EGFL7: variants seen among roughly 807,000 people sequenced by gnomAD.
EGFL7 encodes the protein epidermal growth factor-like protein 7.
A neutral mutation model predicts 37.1 loss-of-function variants in EGFL7; 48 were observed. The observed-to-expected ratio is 1.29, with a 90% confidence interval of 1.03 to 1.65. EGFL7 has a LOEUF of 1.65. EGFL7 is among the 40% of genes most tolerant of loss of function. EGFL7 has a pLI of 0.00. For missense variants in EGFL7, 384 were observed against 378.9 expected, an observed-to-expected ratio of 1.01 and a Z score of -0.11; for synonymous variants, 180 against 156.8, an observed-to-expected ratio of 1.15 and a Z score of -1.10.
chr9:136,668,956 C>T (rs970793634), intron 5 of EGFL7, among the ~76,000 whole-genome samples: 3 of 152,162 alleles, frequency 2.0e-5, no homozygotes, highest in South Asian at 2.1e-4. Flanking sequence ...ATCCTGTCTG[C>T]ACCCCTCCAC....
intron 3 of EGFL7, among the ~76,000 whole-genome samples, chr9:136,667,520 G>A (rs1429187601): frequency 1.3e-5 from 2 of 152,184 alleles, no homozygotes; most frequent in African/African-American, 2.4e-5. Flanking sequence ...GCCAGGAGGG[G>A]GTTGGATTCC....
rs775356555 is a variant in EGFL7 at position 136,672,089 on chromosome 9, G to A, written c.799+1G>A. 5.2e-6 allele frequency: 8 copies of A among 1,546,722 alleles called. No individual in the cohort carries two copies. The highest frequency in any genetic ancestry group is 3.4e-4 in the Middle Eastern group (2 of 5,964). Reference sequence around the variant, plus strand: ...TTCCTGGAGGAGCAGCTGGGGTCCTGTGAGTGCCCCCACCCTCCAGAGCCC... The same window carrying A: ...TTCCTGGAGGAGCAGCTGGGGTCCTATGAGTGCCCCCACCCTCCAGAGCCC... On this transcript the variant is annotated splice_donor_variant, in intron 10 of 10. Transcript: ENST00000308874. LOFTEE classifies it high-confidence loss of function.
At chr9:136,670,631 T>C in intron 8 of EGFL7, 1 of 771,156 alleles carries the variant, frequency 1.3e-6, no homozygotes. Flanking sequence ...TTACTTTTGG[T>C]ACGCGCTGTG....
In EGFL7 at chr9:136,668,554, C is replaced by A. The variant is rs1374877285; in HGVS notation, c.81-3C>A. The A allele has an allele frequency of 1.9e-6, 3 of 1,608,056 alleles. No individual in the cohort carries two copies. Among genetic ancestry groups the A allele is most frequent in the South Asian group, 2.2e-5 (2 of 91,070 alleles). On this transcript the variant is annotated splice_polypyrimidine_tract_variant and splice_region_variant and intron_variant, in intron 4 of 10. Transcript: ENST00000308874. ...TGGGCTGACCCCCTCTCCACCCCCG[C>A]AGCCGTAGGGTGTGTGCTGTCCGGG...
rs572039896 is a variant in EGFL7, at chr9:136,669,677, C to T, written c.269C>T (p.Pro90Leu). 34 of 1,608,428 alleles carry T rather than the reference C, an allele frequency of 2.1e-5. No individual in the cohort carries two copies. The South Asian group carries it at 3.3e-4, about 16-fold the overall frequency. Reference sequence around the variant, plus strand: ...GCCAGGCCTCGCTACGCGTGCTGCCCCGGCTGGAAGAGGACCAGCGGGCTT... The same window carrying T: ...GCCAGGCCTCGCTACGCGTGCTGCCTCGGCTGGAAGAGGACCAGCGGGCTT... ...APARPRYACC[P>L]GWKRTSGLPG... Residue 90 changes from proline (P) to leucine (L), a missense_variant, in exon 6 of 11, where the codon CCC (proline) becomes CTC (leucine). Coordinates refer to ENST00000308874, the MANE Select transcript of EGFL7 (RefSeq NM_016215.5).
upstream of EGFL7, among the ~76,000 whole-genome samples, chr9:136,660,946 T>A (rs1293901935): frequency 6.6e-6 from 1 of 152,138 alleles, no homozygotes; most frequent in Non-Finnish European, 1.5e-5. Context: ...CACCCCATGC[T>A]TGTGGGTCCT....
Position 136,672,468 on chromosome 9 carries a change from G to A in EGFL7, c.*182G>A, listed in dbSNP as rs1431794566. On this transcript the variant is annotated 3_prime_UTR_variant, in exon 11 of 11. Coordinates refer to ENST00000308874, the MANE Select transcript of EGFL7 (RefSeq NM_016215.5). ...CTCCCCAGACCCTGGCATGGGATGGGCTGGGATCTTCTCTGTGAATCCACC... is the reference window on the plus strand; with the variant it reads ...CTCCCCAGACCCTGGCATGGGATGGACTGGGATCTTCTCTGTGAATCCACC... 10 of 716,576 alleles carry A rather than the reference G, an allele frequency of 1.4e-5. No individual in the cohort carries two copies. The highest frequency in any genetic ancestry group is 2.1e-5 in the Non-Finnish European group (9 of 433,972). 44.4% of individuals were successfully genotyped at this position (716,576 alleles called of 1,614,324 possible). A position where few individuals can be genotyped will look rare whatever the true frequency, so the allele number is the denominator to read the frequency against.
chr9:136,672,306 G>C lies in EGFL7; in HGVS notation c.*20G>C. ...TCGTGACTGCCCAGCGCCCCAGGCTGGACTGAGCCCCTCACGCCGCCCTGC... is the reference window on the plus strand; with the variant it reads ...TCGTGACTGCCCAGCGCCCCAGGCTCGACTGAGCCCCTCACGCCGCCCTGC... On this transcript the variant is annotated 3_prime_UTR_variant, in exon 11 of 11. Transcript: ENST00000308874. 1 of 1,613,122 alleles carries C rather than the reference G, an allele frequency of 6.2e-7. No homozygotes were observed. The highest frequency in any genetic ancestry group is 1.3e-5 in the African/African-American group (1 of 75,052).
At position 136,672,632 on chromosome 9, in the gene EGFL7, A is replaced by G. The variant is rs1293063680; in HGVS notation, c.*346A>G. ...CAGCCCGGAGGCTGGGTGGGGCCTC[A>G]GTGGGGGCTGCTGCCTGACCCCCAG... On this transcript the variant is annotated 3_prime_UTR_variant, in exon 11 of 11. Coordinates refer to ENST00000308874, the MANE Select transcript of EGFL7 (RefSeq NM_016215.5). 4.4e-6 allele frequency: 2 copies of G among 456,828 alleles called. No homozygotes were observed. Among genetic ancestry groups the G allele is most frequent in the Non-Finnish European group, 7.9e-6 (2 of 252,382 alleles). 28.3% of individuals were successfully genotyped at this position (456,828 alleles called of 1,614,324 possible).
Position 136,672,415 on chromosome 9 carries a change from C to A in EGFL7, c.*129C>A. The stretch of plus-strand genomic sequence containing the variant: ...GCGGAAGGCCAGGCAGGGCCTTCCT[C>A]CTCTTCCTCCTCCCCTTCCTCGGGA... On this transcript the variant is annotated 3_prime_UTR_variant, in exon 11 of 11. Coordinates refer to ENST00000308874, the MANE Select transcript of EGFL7 (RefSeq NM_016215.5). 2 of 1,091,754 alleles carry A rather than the reference C, an allele frequency of 1.8e-6. No homozygotes were observed. The highest frequency in any genetic ancestry group is 2.5e-5 in the East Asian group (1 of 40,504). The allele number at this position is 1,091,754 out of a possible 1,614,324, so 67.6% of individuals were successfully genotyped here. A position where few individuals can be genotyped will look rare whatever the true frequency, so the allele number is the denominator to read the frequency against.
rs556580431 is a variant in EGFL7, at chr9:136,672,221, G to C, written c.800-43G>C. ...TCAGATCTAGCTGGGCGGGGAGGCT[G>C]TGGGGAGCAGTGATCTCTGACCTTC... is the stretch of plus-strand genomic sequence containing the variant. On this transcript the variant is annotated intron_variant, in intron 10 of 10. Coordinates refer to ENST00000308874, the MANE Select transcript of EGFL7 (RefSeq NM_016215.5). The C allele has an allele frequency of 1.1e-5, 18 of 1,613,190 alleles. 2 individuals are homozygous for C. The East Asian group carries it at 3.8e-4, about 34-fold the overall frequency.
chr9:136,666,136 C>T lies in EGFL7; in HGVS notation c.-43+1351C>T, dbSNP rs1403431634. ...GCCCCTCGTCCGACCCGGCGCGACT[C>T]AGCGCCTCGGGGCCCAGCCTGTGCC... is the stretch of plus-strand genomic sequence containing the variant. On this transcript the variant is annotated intron_variant, in intron 3 of 10. Coordinates refer to ENST00000308874, the MANE Select transcript of EGFL7 (RefSeq NM_016215.5). This position sits in a 1 kb window ranked among gnomAD's most constrained non-coding sequence, Gnocchi z 6.8. Among the ~76,000 whole-genome samples, 1 of 148,960 alleles carries T rather than the reference C, an allele frequency of 6.7e-6. No homozygotes were observed. Among genetic ancestry groups the T allele is most frequent in the Non-Finnish European group, 1.5e-5 (1 of 66,748 alleles).
chr9:136,672,018 C>A lies in EGFL7; in HGVS notation c.729C>A (p.Ser243=). Residue 243 remains serine, a synonymous_variant, in exon 10 of 11, where the codon TCC becomes TCA. Transcript: ENST00000308874. The stretch of plus-strand genomic sequence containing the variant: ...ACCCCGGCAGCCTCCTGGTGCACTC[C>A]TTCCAGCAGCTCGGCCGCATCGACT... ...LPDPGSLLVH[S]FQQLGRIDSL... 6.5e-7 allele frequency: 1 copy of A among 1,544,612 alleles called. No homozygotes were observed. The highest frequency in any genetic ancestry group is 8.7e-7 in the Non-Finnish European group (1 of 1,146,826).
chr9:136,668,174 G>C (rs1845597414), intron 3 of EGFL7, 67 bp from the exon 4 acceptor site: 6 of 949,392 alleles, frequency 6.3e-6, no homozygotes, highest in Non-Finnish European at 9.4e-6. Context: ...CGCGGAGCAA[G>C]TGCAAACTGC....
chr9:136,665,586 G>A (rs1344360976), intron 3 of EGFL7, among the ~76,000 whole-genome samples: 1 of 152,142 alleles, frequency 6.6e-6, no homozygotes, highest in Non-Finnish European at 1.5e-5. Flanking sequence ...GGGTGCTGGC[G>A]GGCCGCGGCT....
At chr9:136,667,263 G>C (rs6560641) in intron 3 of EGFL7, among the ~76,000 whole-genome samples, 146,731 of 152,334 alleles carry the variant, frequency 0.96, 70,686 homozygotes, top group South Asian at 0.99. Flanking sequence ...CCTCTGCCCC[G>C]ACCCGAAGCC....
Position 136,670,002 on chromosome 9 carries a change from C to T in EGFL7, c.402C>T (p.Cys134=). The T allele has an allele frequency of 6.3e-7, 1 of 1,596,416 alleles. No individual in the cohort carries two copies. Among genetic ancestry groups the T allele is most frequent in the Non-Finnish European group, 8.5e-7 (1 of 1,169,958 alleles). ...CTGCAGGATGGCGGGGTGACACTTG[C>T]CAGTCAGGTGAGGCTGGCTCTACCC... The part of the protein sequence containing the change: ...RCPAGWRGDT[C]QSDVDECSAR... Residue 134 remains cysteine (C), a synonymous_variant, in exon 7 of 11, where the codon TGC becomes TGT. Coordinates refer to ENST00000308874, the MANE Select transcript of EGFL7 (RefSeq NM_016215.5).
Position 136,672,314 on chromosome 9 carries a change from C to A in EGFL7, c.*28C>A. The stretch of plus-strand genomic sequence containing the variant: ...GCCCAGCGCCCCAGGCTGGACTGAG[C>A]CCCTCACGCCGCCCTGCAGCCCCCA... On this transcript the variant is annotated 3_prime_UTR_variant, in exon 11 of 11. Transcript: ENST00000308874. The A allele has an allele frequency of 6.2e-7, 1 of 1,613,004 alleles. No individual in the cohort carries two copies. Among genetic ancestry groups the A allele is most frequent in the Non-Finnish European group, 8.5e-7 (1 of 1,179,894 alleles).
Position 136,671,636 on chromosome 9 carries a change from A to G in EGFL7, c.637-290A>G, listed in dbSNP as rs546347957. Reference sequence around the variant, plus strand: ...CCACCCCCCCATCTTTGTCCCCACCAGGACAAAGAGCTCTTGCCAGTCTTC... The same window carrying G: ...CCACCCCCCCATCTTTGTCCCCACCGGGACAAAGAGCTCTTGCCAGTCTTC... On this transcript the variant is annotated intron_variant, in intron 9 of 10. Transcript: ENST00000308874. Among the ~76,000 whole-genome samples the G allele has an allele frequency of 1.5e-3, 218 of 144,394 alleles. 1 individual carries two copies. Among genetic ancestry groups the G allele is most frequent in the African/African-American group, 5.2e-3 (201 of 38,728 alleles). 94.7% of individuals were successfully genotyped at this position (144,394 alleles called of 152,430 possible). A position where few individuals can be genotyped will look rare whatever the true frequency, so the allele number is the denominator to read the frequency against.
Sources: gnomAD v4.1 joint callset for allele counts (sites outside exome capture counted in the v4.1 genomes callset) on GRCh38, gnomAD v4.1.1 for gene constraint, Gnocchi (gnomAD v3.1) non-coding constraint, MANE v1.5 for transcripts, NCBI Gene and HGNC (gene_info 2026-07-23, HGNC 2026-07-21) for gene names.